The following WWTR1 variants were observed in gnomAD, a reference collection of about 807,000 sequenced individuals.
WWTR1 encodes the protein WW domain containing transcription regulator 1.
Under a neutral mutation model 40.1 loss-of-function variants are expected in WWTR1, and 13 were observed. That is an observed-to-expected ratio of 0.32 (90% CI 0.21 to 0.52). The LOEUF is 0.52. Ranked by LOEUF, WWTR1 falls within the 20% of genes least tolerant of loss-of-function variation. The pLI, the probability that WWTR1 is intolerant of heterozygous loss-of-function variation, is 0.97. For synonymous variants in WWTR1, 230 were observed against 210.1 expected (o/e 1.09, Z -0.82); for missense variants, 436 against 523.1 (o/e 0.83, Z 1.63).
At position 149,672,895 on chromosome 3, in the gene WWTR1, C is replaced by G. The variant is rs547815176; in HGVS notation, c.-107-3004G>C. Among the ~76,000 whole-genome samples the G allele has an allele frequency of 3.3e-5, 5 of 151,740 alleles. No individual in the cohort carries two copies. The East Asian group carries it at 9.7e-4, about 29-fold the overall frequency. ...GACTCCTGGGCTCAAGCGATCCTCC[C>G]GCCTCAGCCTCTGAGGAGCTGGGAC... On this transcript the variant is annotated intron_variant, in intron 1 of 7. Coordinates refer to the WWTR1 transcript ENST00000465804.
At chr3:149,716,741 T>C (rs1217488464) in intron 5 of WWTR1, among the ~76,000 whole-genome samples, 6 of 152,192 alleles carry the variant, frequency 3.9e-5, no homozygotes, top group Admixed American at 3.9e-4. Flanking sequence ...CATAAGTGGA[T>C]GGATGGCTAC....
At chr3:149,621,381 C>G (rs1173614514) in intron 2 of WWTR1, among the ~76,000 whole-genome samples, 1 of 151,818 alleles carries the variant, frequency 6.6e-6, no homozygotes, top group Admixed American at 6.6e-5. Context: ...AAGCAGAAAA[C>G]CACAGTGCCC....
chr3:149,525,278 A>G (rs1183074844), intron 6 of WWTR1, among the ~76,000 whole-genome samples: 3 of 152,214 alleles, frequency 2.0e-5, no homozygotes, highest in African/African-American at 7.2e-5. Context: ...ACATGAAAAA[A>G]ATTGGATACT....
intron 3 of WWTR1, among the ~76,000 whole-genome samples, chr3:149,724,405 T>A (rs969242323): frequency 1.1e-4 from 17 of 151,566 alleles, no homozygotes; most frequent in South Asian, 4.2e-4. Context: ...ATCAATGTGA[T>A]CCCCCCTAAT....
At chr3:149,589,525 A>G (rs552349152) in intron 2 of WWTR1, among the ~76,000 whole-genome samples, 1 of 152,296 alleles carries the variant, frequency 6.6e-6, no homozygotes, top group Non-Finnish European at 1.5e-5. Context: ...CTCTTTACGC[A>G]ATCCTCATTG....
intron 2 of WWTR1, among the ~76,000 whole-genome samples, chr3:149,613,041 T>G (rs1437467503): frequency 1.3e-5 from 2 of 152,164 alleles, no homozygotes; most frequent in African/African-American, 4.8e-5. Context: ...CAGCTCTTCT[T>G]CCAAAGTGCA....
intron 4 of WWTR1, 79 bp downstream of exon 4, chr3:149,542,256 T>C (rs1020711232): frequency 2.7e-6 from 4 of 1,487,800 alleles, no homozygotes; most frequent in East Asian, 4.5e-5. Flanking sequence ...AGAATTACCC[T>C]GAAGGTAAGC....
chr3:149,648,065 C>T (rs1187673889), intron 2 of WWTR1, among the ~76,000 whole-genome samples: 1 of 152,192 alleles, frequency 6.6e-6, no homozygotes, highest in African/African-American at 2.4e-5. Context: ...CTTGTCTGCA[C>T]ACCTACCTAT....
At chr3:149,606,154 C>T (rs1226406884) in intron 2 of WWTR1, among the ~76,000 whole-genome samples, 1 of 152,176 alleles carries the variant, frequency 6.6e-6, no homozygotes. Context: ...TGATCTTGTA[C>T]TTCCTAGCTA....
Position 149,622,506 on chromosome 3 carries a change from A to AAGGAAGGAAGG in WWTR1, c.431+34369_431+34370insCCTTCCTTCCT, listed in dbSNP as rs1560089799. ...GGAAGGAAGGAAGGAAGGAAGGAAG[A>AAGGAAGGAAGG]AAGAAAGAAAGAAAGAAAGAAAGAA... On this transcript the variant is annotated intron_variant, in intron 2 of 6. Coordinates refer to ENST00000360632, the MANE Select transcript of WWTR1 (RefSeq NM_015472.6). Among the ~76,000 whole-genome samples, 292 of 91,408 alleles carry AAGGAAGGAAGG rather than the reference A, an allele frequency of 3.2e-3. 1 individual carries two copies. Among genetic ancestry groups the AAGGAAGGAAGG allele is most frequent in the Middle Eastern group, 5.4e-3 (1 of 184 alleles). The allele number at this position is 91,408 out of a possible 152,430, so 60.0% of individuals were successfully genotyped here.
At chr3:149,711,492 C>T (rs946529957) in intron 5 of WWTR1, among the ~76,000 whole-genome samples, 3 of 152,094 alleles carry the variant, frequency 2.0e-5, no homozygotes, top group South Asian at 2.1e-4. Context: ...CTAGAGCTTA[C>T]TTTATTTTAT....
chr3:149,695,218 G>C (rs1042445378), intron 1 of WWTR1, among the ~76,000 whole-genome samples: 4 of 152,150 alleles, frequency 2.6e-5, no homozygotes, highest in African/African-American at 9.7e-5. Flanking sequence ...AATATAGGTA[G>C]ATAGAAAGAA....
chr3:149,540,215 C>G (rs910325356), intron 4 of WWTR1: 1 of 456,490 alleles, frequency 2.2e-6, no homozygotes, highest in Non-Finnish European at 4.4e-6. Context: ...CAATTGCTCA[C>G]TATGATGCAG....
chr3:149,604,715 C>A (rs935808891), intron 2 of WWTR1, among the ~76,000 whole-genome samples: 1 of 152,230 alleles, frequency 6.6e-6, no homozygotes, highest in Non-Finnish European at 1.5e-5. Flanking sequence ...GCTGGCCTTC[C>A]GTGTGCTGCC....
At chr3:149,667,725 A>G (rs1289223616) in intron 2 of WWTR1, among the ~76,000 whole-genome samples, 3 of 152,114 alleles carry the variant, frequency 2.0e-5, no homozygotes, top group African/African-American at 4.8e-5. Context: ...CAATGTTAGG[A>G]CTACATGGGC....
intron 2 of WWTR1, 57 bp downstream of exon 2, chr3:149,656,819 A>C: frequency 6.8e-7 from 1 of 1,466,338 alleles, no homozygotes; most frequent in Non-Finnish European, 9.0e-7. Context: ...ACACACGAAC[A>C]CACGCGCGCG....
upstream of WWTR1, among the ~76,000 whole-genome samples, chr3:149,662,442 C>T (rs1713625999): frequency 6.6e-6 from 1 of 152,184 alleles, no homozygotes; most frequent in South Asian, 2.1e-4. Flanking sequence ...GCTTCTAAAT[C>T]CTCCCCACAA....
chr3:149,579,387 G>A (rs1198382001), intron 2 of WWTR1, among the ~76,000 whole-genome samples: 3 of 152,124 alleles, frequency 2.0e-5, no homozygotes, highest in Admixed American at 1.3e-4. Flanking sequence ...AAGGCAGACT[G>A]GTTTAAAACT....
intron 2 of WWTR1, among the ~76,000 whole-genome samples, chr3:149,625,647 TG>T (rs1442909186): frequency 6.6e-6 from 1 of 151,540 alleles, no homozygotes; most frequent in Non-Finnish European, 1.5e-5. Context: ...AAAAACTAGC[TG>T]GGCATGGTGG....
Sources: gnomAD v4.1 joint callset for allele counts (sites outside exome capture counted in the v4.1 genomes callset) on GRCh38, gnomAD v4.1.1 for gene constraint, MANE v1.5 for transcripts, NCBI Gene and HGNC (gene_info 2026-07-23, HGNC 2026-07-21) for gene names.